The following AIG1 variants were observed in gnomAD, a reference collection of about 807,000 sequenced individuals.
AIG1 encodes the protein androgen induced 1.
AIG1 carries 23 observed loss-of-function variants against 31.4 expected under a neutral mutation model. The observed-to-expected ratio is 0.73, with a 90% CI of 0.53 to 1.04. AIG1 has a LOEUF of 1.04. Ranked by LOEUF, AIG1 falls within the 50% of genes least tolerant of loss-of-function variation. The probability of loss-of-function intolerance (pLI) is 0.00; values close to 1 mark genes in which losing one functional copy is unlikely to be tolerated. For missense variants in AIG1, 274 were observed against 295.0 expected, an observed-to-expected ratio of 0.93 and a Z score of 0.52; for synonymous variants, 100 against 110.5, an observed-to-expected ratio of 0.90 and a Z score of 0.60.
rs141679049 is a variant in AIG1, at chr6:143,330,854, A to G, written c.516-2428A>G. Among the ~76,000 whole-genome samples the G allele has an allele frequency of 5.9e-5, 9 of 152,344 alleles. No homozygotes were observed. Among genetic ancestry groups the G allele is most frequent in the African/African-American group, 1.9e-4 (8 of 41,578 alleles). On this transcript the variant is annotated intron_variant, in intron 4 of 5. Coordinates refer to ENST00000357847, the MANE Select transcript of AIG1 (RefSeq NM_016108.4). The surrounding 1 kb of genome is among the most constrained non-coding windows in gnomAD (Gnocchi z 4.4). ...GCACCTTCCTTACATTATTTAAGAC[A>G]ATGTCAGAATGATGAAACTGCTTCT... is the stretch of plus-strand genomic sequence containing the variant.
chr6:143,091,631 T>C (rs1779313174), intron 1 of AIG1, among the ~76,000 whole-genome samples: 1 of 152,334 alleles, frequency 6.6e-6, no homozygotes, highest in East Asian at 1.9e-4. Context: ...GTTAGTCTCA[T>C]AGATGCACAT....
At chr6:143,088,821 G>C (rs545305121) in intron 1 of AIG1, among the ~76,000 whole-genome samples, 1 of 152,292 alleles carries the variant, frequency 6.6e-6, no homozygotes, top group East Asian at 1.9e-4. Context: ...CACAAATGTT[G>C]CTGGCTAATT....
In AIG1 at chr6:143,329,287, T is replaced by C. The variant is rs1485867546; in HGVS notation, c.516-3995T>C. Among the ~76,000 whole-genome samples the C allele has an allele frequency of 3.3e-5, 5 of 152,212 alleles. No individual in the cohort carries two copies. On this transcript the variant is annotated intron_variant, in intron 4 of 5. Coordinates refer to ENST00000357847, the MANE Select transcript of AIG1 (RefSeq NM_016108.4). The surrounding 1 kb of genome is among the most constrained non-coding windows in gnomAD (Gnocchi z 4.9). The stretch of plus-strand genomic sequence containing the variant: ...CAGATGTGCACTTCTTTCCCAGCTT[T>C]GCCAGTTTTATGATAAGTTCTTTAG...
At chr6:143,113,529 G>A (rs916449384) in intron 1 of AIG1, among the ~76,000 whole-genome samples, 1 of 151,266 alleles carries the variant, frequency 6.6e-6, no homozygotes, top group African/African-American at 2.4e-5. Context: ...CTTGAACTCA[G>A]GAGGCGGAGG....
downstream of AIG1, chr6:143,342,760 A>G: frequency 1.2e-6 from 1 of 823,504 alleles, no homozygotes; most frequent in Non-Finnish European, 2.2e-6. Flanking sequence ...CTCAGGTATC[A>G]TAGCTGCAAA....
intron 1 of AIG1, among the ~76,000 whole-genome samples, chr6:143,088,674 A>G (rs992527263): frequency 2.0e-5 from 3 of 152,162 alleles, no homozygotes; most frequent in East Asian, 1.9e-4. Flanking sequence ...TCTTTGTCCA[A>G]TACTCATTGG....
intron 1 of AIG1, among the ~76,000 whole-genome samples, chr6:143,107,925 A>C (rs989203092): frequency 6.6e-6 from 1 of 152,156 alleles, no homozygotes; most frequent in Non-Finnish European, 1.5e-5. Context: ...GATCTAGTTA[A>C]ATATATGACA....
At position 143,199,917 on chromosome 6, in the gene AIG1, AG is replaced by A. The variant is rs570871185; in HGVS notation, c.399+34737del. Among the ~76,000 whole-genome samples the A allele has an allele frequency of 2.2e-3, 337 of 152,314 alleles. 2 individuals are homozygous for A. Among genetic ancestry groups the A allele is most frequent in the Non-Finnish European group, 3.6e-3 (243 of 68,024 alleles). ...ATTAGATATTATAAGCTTTAAAGGA[AG>A]GGTAGGCTTTTGACAGATGGAAGTG... On this transcript the variant is annotated intron_variant, in intron 3 of 5. Transcript: ENST00000357847.
At chr6:143,243,053 G>A (rs1400369306) in intron 3 of AIG1, among the ~76,000 whole-genome samples, 1 of 152,154 alleles carries the variant, frequency 6.6e-6, no homozygotes, top group East Asian at 1.9e-4. Context: ...CAAAATGTTT[G>A]TGGGCAGATA....
At position 143,210,131 on chromosome 6, in the gene AIG1, G is replaced by A. The variant is rs575818180; in HGVS notation, c.399+44948G>A. On this transcript the variant is annotated intron_variant, in intron 3 of 5. Transcript: ENST00000357847. ...TGAGTGAGTTCTTTTGAGATCTGACGAGTTTATAAGGGGCTTTTCCCCCTT... is the reference window on the plus strand; with the variant it reads ...TGAGTGAGTTCTTTTGAGATCTGACAAGTTTATAAGGGGCTTTTCCCCCTT... 1.3e-4 allele frequency among the ~76,000 whole-genome samples: 20 copies of A among 152,318 alleles called. No homozygotes were observed. In the East Asian group the frequency reaches 3.3e-3, roughly 25 times the overall value.
chr6:143,302,245 T>C (rs1245252438), intron 4 of AIG1, among the ~76,000 whole-genome samples: 1 of 151,934 alleles, frequency 6.6e-6, no homozygotes, highest in African/African-American at 2.4e-5. Context: ...TATTATACTT[T>C]AAGTTTTAGG....
chr6:143,314,810 A>T lies in AIG1; in HGVS notation c.516-18472A>T, dbSNP rs184190312. 1.2e-3 allele frequency among the ~76,000 whole-genome samples: 177 copies of T among 152,248 alleles called. 4 individuals are homozygous for T. Among genetic ancestry groups the T allele is most frequent in the Admixed American group, 0.011 (168 of 15,288 alleles). On this transcript the variant is annotated intron_variant, in intron 4 of 5. Transcript: ENST00000357847. The stretch of plus-strand genomic sequence containing the variant: ...ACAGCTCACTACCAGCACTCATTTA[A>T]TTTTACATAAACACACTCTTTGAGG...
rs1788366243 is a variant in AIG1, at chr6:143,178,209, G to A, written c.399+13026G>A. Among the ~76,000 whole-genome samples, 3 of 152,234 alleles carry A rather than the reference G, an allele frequency of 2.0e-5. No individual in the cohort carries two copies. The South Asian group carries it at 6.2e-4, about 32-fold the overall frequency. On this transcript the variant is annotated intron_variant, in intron 3 of 5. Coordinates refer to ENST00000357847, the MANE Select transcript of AIG1 (RefSeq NM_016108.4). Reference sequence around the variant, plus strand: ...TGTGTGCTCAGATTCTGGGGTCTTGGCTGCACAGCTGCTATCATGACTCTG... The same window carrying A: ...TGTGTGCTCAGATTCTGGGGTCTTGACTGCACAGCTGCTATCATGACTCTG...
At chr6:143,184,844 G>A (rs1356795992) in intron 3 of AIG1, among the ~76,000 whole-genome samples, 2 of 152,176 alleles carry the variant, frequency 1.3e-5, no homozygotes, top group Non-Finnish European at 2.9e-5. Flanking sequence ...TCCGGGTCTT[G>A]TGGAAAGATG....
intron 3 of AIG1, among the ~76,000 whole-genome samples, chr6:143,224,793 C>T (rs1792809062): frequency 1.3e-5 from 2 of 152,156 alleles, no homozygotes; most frequent in Admixed American, 1.3e-4. Context: ...CCTACCCCTA[C>T]AGCTGTCCTC....
chr6:143,301,169 CT>C (rs982760344), intron 4 of AIG1, among the ~76,000 whole-genome samples: 2 of 152,194 alleles, frequency 1.3e-5, no homozygotes, highest in African/African-American at 4.8e-5. Context: ...ACAAGTTCCC[CT>C]GTGCTTATCT....
chr6:143,254,064 G>C (rs1795197059), intron 3 of AIG1, among the ~76,000 whole-genome samples: 1 of 152,142 alleles, frequency 6.6e-6, no homozygotes, highest in Non-Finnish European at 1.5e-5. Flanking sequence ...TCCCTTCTGT[G>C]CAGGGAGAAA....
intron 3 of AIG1, among the ~76,000 whole-genome samples, chr6:143,275,410 C>T (rs992396468): frequency 3.9e-5 from 6 of 152,156 alleles, no homozygotes; most frequent in African/African-American, 1.4e-4. Context: ...AGATCTTAAA[C>T]TCCATGGAAG....
intron 1 of AIG1, among the ~76,000 whole-genome samples, chr6:143,065,222 G>A (rs1776590163): frequency 6.6e-6 from 1 of 152,210 alleles, no homozygotes; most frequent in Admixed American, 6.5e-5. Context: ...CCATCTGGAT[G>A]TATATGTGTA....
Sources: allele counts gnomAD v4.1 joint callset (sites outside exome capture counted in the v4.1 genomes callset), GRCh38; gene constraint gnomAD v4.1.1; non-coding constraint Gnocchi (gnomAD v3.1); transcripts MANE v1.5; gene names NCBI Gene and HGNC (gene_info 2026-07-23, HGNC 2026-07-21).